Variants in XPR1 observed in about 807,000 individuals in gnomAD.
XPR1 encodes the protein xenotropic and polytropic retrovirus receptor 1.
A neutral mutation model predicts 87.5 loss-of-function variants in XPR1; 28 were observed. The observed-to-expected ratio is 0.32, with a 90% CI of 0.24 to 0.44. The LOEUF (loss-of-function observed/expected upper bound fraction) is 0.44. XPR1 is among the 20% of genes least tolerant of loss of function. The pLI is 1.00. For missense variants in XPR1, 559 were observed against 862.3 expected, an observed-to-expected ratio of 0.65 and a Z score of 4.41; for synonymous variants, 300 against 306.1, an observed-to-expected ratio of 0.98 and a Z score of 0.21.
intron 2 of XPR1, among the ~76,000 whole-genome samples, chr1:180,704,345 G>T (rs1218315551): frequency 2.1e-5 from 3 of 141,698 alleles, no homozygotes; most frequent in South Asian, 2.2e-4. Context: ...ATTCATTAAG[G>T]TTTACAAAAT....
intron 2 of XPR1, among the ~76,000 whole-genome samples, chr1:180,719,253 A>G (rs1235646262): frequency 1.3e-5 from 2 of 152,246 alleles, no homozygotes; most frequent in African/African-American, 2.4e-5. Context: ...TAATTTCATA[A>G]TGATTATCAG....
At chr1:180,852,853 A>G (rs759113798) in intron 11 of XPR1, among the ~76,000 whole-genome samples, 1 of 152,178 alleles carries the variant, frequency 6.6e-6, no homozygotes, top group African/African-American at 2.4e-5. Context: ...ACAGTATATT[A>G]TGATTGTTCT....
intron 7 of XPR1, among the ~76,000 whole-genome samples, chr1:180,816,226 C>T (rs374945570): frequency 1.3e-5 from 2 of 152,156 alleles, no homozygotes; most frequent in South Asian, 4.1e-4. Context: ...CTTCCACCTC[C>T]GATCATCAGG....
At chr1:180,699,535 G>C (rs1657287851) in intron 2 of XPR1, among the ~76,000 whole-genome samples, 1 of 45,368 alleles carries the variant, frequency 2.2e-5, no homozygotes, top group Non-Finnish European at 4.0e-5. Context: ...CCCTACAAAG[G>C]ACATGAACTC....
At chr1:180,642,451 G>A (rs1424805753) in intron 1 of XPR1, among the ~76,000 whole-genome samples, 1 of 151,834 alleles carries the variant, frequency 6.6e-6, no homozygotes, top group Non-Finnish European at 1.5e-5. Flanking sequence ...ACAATAATGA[G>A]GATAATAACA....
intron 3 of XPR1, among the ~76,000 whole-genome samples, chr1:180,796,454 C>T (rs990069093): frequency 6.6e-6 from 1 of 152,096 alleles, no homozygotes; most frequent in South Asian, 2.1e-4. Context: ...CATAGTTATG[C>T]CCTTAAGGAA....
intron 1 of XPR1, among the ~76,000 whole-genome samples, chr1:180,659,678 C>G (rs1655697624): frequency 6.7e-6 from 1 of 149,802 alleles, no homozygotes. Flanking sequence ...GCCACCATGC[C>G]TGGCTAATTT....
chr1:180,669,100 A>G (rs1656065757), intron 1 of XPR1, among the ~76,000 whole-genome samples: 1 of 152,078 alleles, frequency 6.6e-6, no homozygotes, highest in South Asian at 2.1e-4. Flanking sequence ...AAAAAAAAAA[A>G]AAAAAAAATC....
rs1009078632 is a variant in XPR1 at position 180,883,354 on chromosome 1, C to A, written c.2031-652C>A. On this transcript the variant is annotated intron_variant, in intron 14 of 14. Transcript: ENST00000367590. ...TGGTATTCAGTGAAATCGGTGTTACCATTCCTGCCTTACAGAGATGGAAAC... is the reference window on the plus strand; with the variant it reads ...TGGTATTCAGTGAAATCGGTGTTACAATTCCTGCCTTACAGAGATGGAAAC... 3.9e-5 allele frequency among the ~76,000 whole-genome samples: 6 copies of A among 152,020 alleles called. No individual in the cohort carries two copies. The South Asian group carries it at 1.0e-3, about 26-fold the overall frequency.
At chr1:180,774,663 G>A (rs367935036) in intron 2 of XPR1, among the ~76,000 whole-genome samples, 10 of 151,618 alleles carry the variant, frequency 6.6e-5, no homozygotes, top group East Asian at 3.9e-4. Flanking sequence ...TGCCTCGGCC[G>A]CCCAAAGTGC....
intron 2 of XPR1, among the ~76,000 whole-genome samples, chr1:180,712,028 A>G (rs1657817162): frequency 6.6e-6 from 1 of 152,150 alleles, no homozygotes; most frequent in Non-Finnish European, 1.5e-5. Context: ...GCATTCCAAG[A>G]CCCCCAGTGG....
intron 2 of XPR1, among the ~76,000 whole-genome samples, chr1:180,696,174 G>A (rs1413270420): frequency 1.1e-5 from 1 of 89,120 alleles, no homozygotes; most frequent in Non-Finnish European, 2.2e-5. Context: ...GGGTGTGTGT[G>A]TGTGTGTGTG....
chr1:180,793,441 G>C (rs907198447), intron 3 of XPR1, among the ~76,000 whole-genome samples: 3 of 151,952 alleles, frequency 2.0e-5, no homozygotes, highest in Non-Finnish European at 2.9e-5. Flanking sequence ...CATGTGTCTA[G>C]TATGCATGTA....
chr1:180,770,441 T>C (rs1648471277), intron 2 of XPR1, among the ~76,000 whole-genome samples: 2 of 152,114 alleles, frequency 1.3e-5, no homozygotes, highest in South Asian at 4.1e-4. Flanking sequence ...TCATAAGGGC[T>C]CTATCCCCAC....
At chr1:180,671,882 C>T (rs1656190572) in intron 1 of XPR1, among the ~76,000 whole-genome samples, 3 of 152,118 alleles carry the variant, frequency 2.0e-5, no homozygotes, top group African/African-American at 7.2e-5. Flanking sequence ...GCCACCGCGT[C>T]TAGCCAATAT....
rs771600508 is a variant in XPR1 at position 180,690,879 on chromosome 1, A to T, written c.121+8468A>T. On this transcript the variant is annotated intron_variant, in intron 2 of 14. Transcript: ENST00000367590. Reference sequence around the variant, plus strand: ...TCCTTGAAGCCAATGTACTGTTTATAAAAAAAGGAGTAAATTAACCTAGGT... The same window carrying T: ...TCCTTGAAGCCAATGTACTGTTTATTAAAAAAGGAGTAAATTAACCTAGGT... Among the ~76,000 whole-genome samples the T allele has an allele frequency of 2.6e-5, 4 of 151,630 alleles. No homozygotes were observed. The East Asian group carries it at 5.8e-4, about 22-fold the overall frequency.
rs112278070 is a variant in XPR1 at position 180,683,544 on chromosome 1, G to A, written c.121+1133G>A. ...TAGATCCCTGAGGAATCACCACACC[G>A]ACTTCCACAATGGTTGAACTAGTTT... is the stretch of plus-strand genomic sequence containing the variant. On this transcript the variant is annotated intron_variant, in intron 2 of 14. Coordinates refer to ENST00000367590, the MANE Select transcript of XPR1 (RefSeq NM_004736.4). Among the ~76,000 whole-genome samples, 9 of 152,224 alleles carry A rather than the reference G, an allele frequency of 5.9e-5. No individual in the cohort carries two copies. The East Asian group carries it at 1.3e-3, about 23-fold the overall frequency.
intron 2 of XPR1, among the ~76,000 whole-genome samples, chr1:180,739,330 C>A (rs535622062): frequency 1.3e-5 from 2 of 152,100 alleles, no homozygotes; most frequent in South Asian, 2.1e-4. Flanking sequence ...TATTGTTTTT[C>A]AAAAATTTTA....
At chr1:180,806,415 T>C in intron 5 of XPR1, 59 bp from the exon 6 acceptor site, 1 of 1,566,702 alleles carries the variant, frequency 6.4e-7, no homozygotes, top group Non-Finnish European at 8.8e-7. Flanking sequence ...TACAGAATTA[T>C]TTGTGCATCA....
Sources: gnomAD v4.1 joint callset for allele counts (sites outside exome capture counted in the v4.1 genomes callset) on GRCh38, gnomAD v4.1.1 for gene constraint, MANE v1.5 for transcripts, NCBI Gene and HGNC (gene_info 2026-07-23, HGNC 2026-07-21) for gene names.